The following CADM2 variants were observed in gnomAD, a reference collection of about 807,000 sequenced individuals.
CADM2 encodes immunoglobulin superfamily member 4D.
A neutral mutation model predicts 49.8 loss-of-function variants in CADM2; 12 were observed. The observed-to-expected ratio is 0.24, with a 90% CI of 0.15 to 0.39. The LOEUF (loss-of-function observed/expected upper bound fraction) is 0.39, where lower values mean the gene tolerates loss of function less well. Among genes scored for constraint, CADM2 ranks in the 10% least tolerant of loss-of-function variants. CADM2 has a pLI of 1.00. For synonymous variants in CADM2, 214 were observed against 175.4 expected, an observed-to-expected ratio of 1.22 and a Z score of -1.74; for missense variants, 378 against 492.3, an observed-to-expected ratio of 0.77 and a Z score of 2.20.
chr3:85,796,820 G>A (rs1032638277), intron 2 of CADM2, among the ~76,000 whole-genome samples: 26 of 152,212 alleles, frequency 1.7e-4, no homozygotes, highest in African/African-American at 6.3e-4. Context: ...TCTCTGGCCA[G>A]TTGTGGTGGC....
chr3:85,620,769 T>C (rs1320768122), intron 1 of CADM2, among the ~76,000 whole-genome samples: 1 of 152,100 alleles, frequency 6.6e-6, no homozygotes, highest in East Asian at 1.9e-4. Context: ...GAATTAAAAA[T>C]TCTGAAGATC....
intron 3 of CADM2, among the ~76,000 whole-genome samples, chr3:85,834,085 A>G (rs1397197812): frequency 6.6e-6 from 1 of 151,700 alleles, no homozygotes; most frequent in Non-Finnish European, 1.5e-5. Flanking sequence ...TCTCTAATCT[A>G]TTAAGACAAC....
chr3:85,032,977 A>C (rs1450926496), intron 1 of CADM2, among the ~76,000 whole-genome samples: 2 of 152,066 alleles, frequency 1.3e-5, no homozygotes, highest in African/African-American at 4.8e-5. Context: ...TATTCTCTCT[A>C]TATATCTTTT....
chr3:85,802,955 T>G (rs2072146757), intron 3 of CADM2, among the ~76,000 whole-genome samples: 1 of 152,112 alleles, frequency 6.6e-6, no homozygotes, highest in South Asian at 2.1e-4. Flanking sequence ...AATAACTATT[T>G]ATATATTAGC....
rs1559897737 is a variant in CADM2, at chr3:85,541,775, T to TATATATATATATATATATATATATATATA, written c.62-184747_62-184746insATATATATATATATATATATATATATATA. On this transcript the variant is annotated intron_variant, in intron 1 of 9. Transcript: ENST00000383699. ...ATATTTTATATATATATTTTATATT[T>TATATATATATATATATATATATATATATA]TATATATATATATATATATGTATAG... is the stretch of plus-strand genomic sequence containing the variant. 1.2e-3 allele frequency among the ~76,000 whole-genome samples: 108 copies of TATATATATATATATATATATATATATATA among 88,254 alleles called. 1 individual carries two copies. Among genetic ancestry groups the TATATATATATATATATATATATATATATA allele is most frequent in the East Asian group, 6.1e-3 (5 of 814 alleles). 57.9% of individuals were successfully genotyped at this position (88,254 alleles called of 152,430 possible).
At chr3:85,233,405 A>G (rs1342986188) in intron 1 of CADM2, among the ~76,000 whole-genome samples, 1 of 152,154 alleles carries the variant, frequency 6.6e-6, no homozygotes, top group Non-Finnish European at 1.5e-5. Context: ...TATTGTACCA[A>G]CATTGACTCA....
chr3:85,997,499 T>A (rs1729576104), intron 8 of CADM2, among the ~76,000 whole-genome samples: 1 of 152,118 alleles, frequency 6.6e-6, no homozygotes, highest in African/African-American at 2.4e-5. Context: ...TTTCTTTAAC[T>A]GGGAAAATGG....
chr3:85,125,898 A>T (rs1381445378), intron 1 of CADM2, among the ~76,000 whole-genome samples: 7 of 152,218 alleles, frequency 4.6e-5, no homozygotes, highest in Non-Finnish European at 1.0e-4. Flanking sequence ...GTAAAATTAG[A>T]AGCCAATCCT....
intron 1 of CADM2, among the ~76,000 whole-genome samples, chr3:85,013,816 A>G (rs1432306046): frequency 6.8e-6 from 1 of 147,690 alleles, no homozygotes; most frequent in Non-Finnish European, 1.5e-5. Flanking sequence ...ATTAATTTTA[A>G]TTATAATTAA....
chr3:85,763,972 T>C (rs548074942), intron 2 of CADM2, among the ~76,000 whole-genome samples: 2 of 152,276 alleles, frequency 1.3e-5, no homozygotes, highest in East Asian at 3.9e-4. Flanking sequence ...TTGTCTTCTT[T>C]CATTACACTT....
chr3:85,860,470 A>G (rs2075485422), intron 3 of CADM2, among the ~76,000 whole-genome samples: 2 of 152,170 alleles, frequency 1.3e-5, no homozygotes, highest in Non-Finnish European at 2.9e-5. Flanking sequence ...TCTTTGTCCT[A>G]TTTGTGCTGC....
chr3:85,882,281 G>T (rs991545714), intron 3 of CADM2, among the ~76,000 whole-genome samples: 2 of 151,838 alleles, frequency 1.3e-5, no homozygotes, highest in African/African-American at 4.8e-5. Context: ...CACTTTCTCT[G>T]GCTGTTTGCT....
intron 1 of CADM2, among the ~76,000 whole-genome samples, chr3:85,549,689 T>C (rs1363463842): frequency 6.6e-6 from 1 of 152,108 alleles, no homozygotes; most frequent in African/African-American, 2.4e-5. Flanking sequence ...AATGGTACTA[T>C]TTCAGCTCAC....
At chr3:85,209,730 G>C (rs1299304717) in intron 1 of CADM2, among the ~76,000 whole-genome samples, 1 of 151,716 alleles carries the variant, frequency 6.6e-6, no homozygotes, top group Non-Finnish European at 1.5e-5. Flanking sequence ...CACACTGCAG[G>C]CGTTTCCAAT....
chr3:85,171,986 C>G (rs1374998825), intron 1 of CADM2, among the ~76,000 whole-genome samples: 1 of 152,144 alleles, frequency 6.6e-6, no homozygotes, highest in Non-Finnish European at 1.5e-5. Flanking sequence ...GAATTTTAAG[C>G]TAACAATAGA....
At chr3:85,336,027 C>G (rs1261762313) in intron 1 of CADM2, among the ~76,000 whole-genome samples, 1 of 151,448 alleles carries the variant, frequency 6.6e-6, no homozygotes, top group African/African-American at 2.4e-5. Context: ...ACATATTGGT[C>G]CTGTGAACCC....
chr3:86,042,806 T>G (rs1183413814), intron 8 of CADM2, among the ~76,000 whole-genome samples: 2 of 152,190 alleles, frequency 1.3e-5, no homozygotes, highest in African/African-American at 4.8e-5. Context: ...ATATCCCTGA[T>G]AACCATCAAT....
chr3:86,023,676 T>C (rs1257684892), intron 8 of CADM2, among the ~76,000 whole-genome samples: 1 of 152,098 alleles, frequency 6.6e-6, no homozygotes, highest in Non-Finnish European at 1.5e-5. Flanking sequence ...TTTTAACCTT[T>C]GGGAGAAGGA....
intron 1 of CADM2, among the ~76,000 whole-genome samples, chr3:85,269,801 A>G (rs375557463): frequency 1.1e-4 from 16 of 151,386 alleles, no homozygotes; most frequent in African/African-American, 3.1e-4. Context: ...GAAAATGAAC[A>G]TTTTTAATTT....
Sources: gnomAD v4.1 joint callset for allele counts (sites outside exome capture counted in the v4.1 genomes callset) on GRCh38, gnomAD v4.1.1 for gene constraint, MANE v1.5 for transcripts, NCBI Gene and HGNC (gene_info 2026-07-23, HGNC 2026-07-21) for gene names.